IFT172: variants seen among roughly 807,000 people sequenced by gnomAD.
The protein encoded by IFT172 is intraflagellar transport 172.
Under a neutral mutation model 248.9 loss-of-function variants are expected in IFT172, and 164 were observed. The observed-to-expected ratio is 0.66, with a 90% CI of 0.58 to 0.75. The LOEUF is 0.75. Ranked by LOEUF, IFT172 falls within the 30% of genes least tolerant of loss-of-function variation. The probability of loss-of-function intolerance (pLI) is 0.00; values close to 1 mark genes in which losing one functional copy is unlikely to be tolerated. For synonymous variants in IFT172, 729 were observed against 791.6 expected (o/e 0.92, Z 1.33); for missense variants, 1,950 against 2,192.4 (o/e 0.89, Z 2.21).
At chr2:27,471,909 G>A (rs1226331695) in intron 15 of IFT172, 15 of 393,518 alleles carry the variant, frequency 3.8e-5, no homozygotes, top group Admixed American at 8.5e-5. Flanking sequence ...GTGGTGGCAC[G>A]TGCCTGTAGT....
At chr2:27,476,459 T>A (rs770594955) in intron 14 of IFT172, among the ~76,000 whole-genome samples, 182 bp downstream of exon 14, 5 of 152,150 alleles carry the variant, frequency 3.3e-5, no homozygotes, top group Non-Finnish European at 7.4e-5. Context: ...TATCTAGATA[T>A]CCAGGTACAG....
intron 15 of IFT172, 200 bp downstream of exon 15, chr2:27,472,050 A>C (rs546650836): frequency 3.4e-6 from 2 of 584,756 alleles, no homozygotes; most frequent in African/African-American, 3.8e-5. Flanking sequence ...AAAAAAAAAA[A>C]AAAGAGGTAA....
At chr2:27,448,222 C>G (rs1047593241) in intron 40 of IFT172, among the ~76,000 whole-genome samples, 2 of 152,102 alleles carry the variant, frequency 1.3e-5, no homozygotes, top group African/African-American at 4.8e-5. Context: ...GCCTCAGCCT[C>G]CCGAGTAGCT....
chr2:27,472,052 AAG>A, intron 15 of IFT172, 196 bp downstream of exon 15: 1 of 579,718 alleles, frequency 1.7e-6, no homozygotes, highest in Non-Finnish European at 3.1e-6. Flanking sequence ...AAAAAAAAAA[AAG>A]AGGTAATAAA....
At chr2:27,481,394 C>T (rs1238444401) in intron 7 of IFT172, 134 bp from the exon 8 acceptor site, 2 of 659,050 alleles carry the variant, frequency 3.0e-6, no homozygotes, top group African/African-American at 1.8e-5. Context: ...CCTATCCCAA[C>T]ACATCCTAAT....
Position 27,454,738 on chromosome 2 carries a change from G to C in IFT172, c.3372-78C>G, listed in dbSNP as rs570312215. On this transcript the variant is annotated intron_variant, in intron 30 of 47. Coordinates refer to ENST00000260570, the MANE Select transcript of IFT172 (RefSeq NM_015662.3). This position sits in a 1 kb window ranked among gnomAD's most constrained non-coding sequence, Gnocchi z 4.2. Reference sequence around the variant, plus strand: ...AAGGAACAAGACAAAACAGAGAAAGGACAGAGTTGAGGGGAGAAAAAGTGA... The same window carrying C: ...AAGGAACAAGACAAAACAGAGAAAGCACAGAGTTGAGGGGAGAAAAAGTGA... The C allele has an allele frequency of 6.1e-5, 76 of 1,255,404 alleles. 1 individual carries two copies. In the Middle Eastern group the frequency reaches 7.4e-3, roughly 122 times the overall value. The allele number at this position is 1,255,404 out of a possible 1,614,324, so 77.8% of individuals were successfully genotyped here.
chr2:27,477,492 A>G, intron 12 of IFT172, 67 bp downstream of exon 12: 1 of 1,316,718 alleles, frequency 7.6e-7, no homozygotes, highest in African/African-American at 1.4e-5. Flanking sequence ...GCAACTTGCC[A>G]TCTTTATGAC....
Position 27,485,409 on chromosome 2 carries a change from T to G in IFT172, c.134A>C (p.Glu45Ala), listed in dbSNP as rs1221471858. The G allele has an allele frequency of 6.2e-7, 1 of 1,614,128 alleles. No individual in the cohort carries two copies. The highest frequency in any genetic ancestry group is 8.5e-7 in the Non-Finnish European group (1 of 1,180,050). ...GAATTTATCTCTCCGTTCTCCATGT[T>G]CATCATACAGCAAGACCACTCGGTC... ...TVDRVVLLYD[E>A]HGERRDKFST... Residue 45 changes from glutamate to alanine, a missense_variant, in exon 2 of 48, where the codon GAA becomes GCA. Coordinates refer to ENST00000260570, the MANE Select transcript of IFT172 (RefSeq NM_015662.3).
chr2:27,447,594 G>A lies in IFT172; in HGVS notation c.4580C>T (p.Ala1527Val), dbSNP rs2148472883. Residue 1527 changes from alanine to valine, a missense_variant, in exon 42 of 48, where the codon GCC (alanine) becomes GTC (valine). Around this residue, in one of 3 missense-constraint regions of IFT172, gnomAD observed 620 missense variants for 699.0 expected, o/e 0.89. Transcript: ENST00000260570. ...CAGCATCGTCTTGAACTCCTCATGG[G>A]CTGGAGAGTTTGCCTCACTGGACTT... ...LVKSSEANSP[A>V]HEEFKTMLLI... 1.9e-6 allele frequency: 3 copies of A among 1,614,132 alleles called. No homozygotes were observed. The highest frequency in any genetic ancestry group is 2.2e-5 in the South Asian group (2 of 91,084).
chr2:27,469,837 A>G (rs962837563), intron 16 of IFT172, among the ~76,000 whole-genome samples: 5 of 151,834 alleles, frequency 3.3e-5, no homozygotes, highest in Non-Finnish European at 2.9e-5. Flanking sequence ...CTCAAATAAA[A>G]TAAAATAATC....
chr2:27,449,921 C>G, intron 36 of IFT172, 77 bp downstream of exon 36: 1 of 1,438,906 alleles, frequency 6.9e-7, no homozygotes, highest in Non-Finnish European at 9.7e-7. Flanking sequence ...ACCTCACACA[C>G]CTTCCTGGGT....
At position 27,457,931 on chromosome 2, in the gene IFT172, G is replaced by T. The variant is rs1215624237; in HGVS notation, c.3021C>A (p.Tyr1007Ter). Residue 1007 changes from tyrosine (Y) to a stop codon, truncating the protein, a stop_gained, in exon 28 of 48, where the codon TAC (tyrosine) becomes TAA (stop). Coordinates refer to ENST00000260570, the MANE Select transcript of IFT172 (RefSeq NM_015662.3). LOFTEE classifies it high-confidence loss of function. ...VQEPDLAITM[Y>*]KKHKLYDDMI... ...TGTCATCATACAACTTGTGCTTTTT[G>T]TACATGGTGATGGCAAGATCAGGCT... 6.2e-7 allele frequency: 1 copy of T among 1,614,192 alleles called. No homozygotes were observed. The highest frequency in any genetic ancestry group is 8.5e-7 in the Non-Finnish European group (1 of 1,180,024).
At chr2:27,478,463 G>C (rs1380315872) in intron 10 of IFT172, among the ~76,000 whole-genome samples, 1 of 152,132 alleles carries the variant, frequency 6.6e-6, no homozygotes, top group Non-Finnish European at 1.5e-5. Context: ...ATTGATCACA[G>C]TGTATGTATT....
chr2:27,446,117 A>G (rs1454774483), intron 43 of IFT172, 129 bp from the exon 44 acceptor site: 4 of 1,388,652 alleles, frequency 2.9e-6, no homozygotes, highest in Admixed American at 1.7e-5. Flanking sequence ...CCAGGGAGAA[A>G]AATCCAGGAA....
chr2:27,478,191 C>T (rs1393591058), intron 10 of IFT172, 35 bp from the exon 11 acceptor site: 2 of 1,611,626 alleles, frequency 1.2e-6, no homozygotes, highest in Non-Finnish European at 1.7e-6. Context: ...CCTTAGGCTT[C>T]CCCAGCCCAA....
At chr2:27,466,610 G>A (rs1172939581) in intron 16 of IFT172, among the ~76,000 whole-genome samples, 2 of 151,870 alleles carry the variant, frequency 1.3e-5, no homozygotes, top group African/African-American at 4.8e-5. Context: ...AAAGCAACAT[G>A]AGCTCACAAT....
At chr2:27,449,243 G>A in intron 39 of IFT172, 51 bp downstream of exon 39, 8 of 1,602,342 alleles carry the variant, frequency 5.0e-6, no homozygotes, top group Non-Finnish European at 6.8e-6. Flanking sequence ...AGGCAGGTGG[G>A]GAATCAAGGG....
At chr2:27,483,246 G>T in intron 7 of IFT172, 43 bp downstream of exon 7, 2 of 1,130,572 alleles carry the variant, frequency 1.8e-6, no homozygotes, top group South Asian at 1.2e-5. Context: ...CAAACTCCTG[G>T]ACTCAAGCAA....
rs1443634104 is a variant in IFT172 at position 27,485,051 on chromosome 2, T to C, written c.263A>G (p.Asn88Ser). 3.1e-6 allele frequency: 5 copies of C among 1,602,478 alleles called. No homozygotes were observed. Among genetic ancestry groups the C allele is most frequent in the Admixed American group, 3.3e-5 (2 of 59,954 alleles). Residue 88 changes from asparagine to serine, a missense_variant, in exon 3 of 48, where the codon AAC becomes AGC. Physicochemically the swap from Asn to Ser is conservative, Grantham distance 46. This residue lies in a region of IFT172 where 1,166 missense variants were observed against 1,254.1 expected (regional missense o/e 0.93). Coordinates refer to ENST00000260570, the MANE Select transcript of IFT172 (RefSeq NM_015662.3). ...TCCAATCTTGTAGACATAGATGATG[T>C]TGTCAGTCTGTCCTATGGCAATTTT... The part of the protein sequence containing the change: ...STKIAIGQTD[N>S]IIYVYKIGED...
Sources: allele counts gnomAD v4.1 joint callset (sites outside exome capture counted in the v4.1 genomes callset), GRCh38; gene constraint gnomAD v4.1.1; regional missense constraint gnomAD v4.1.1; non-coding constraint Gnocchi (gnomAD v3.1); transcripts MANE v1.5; gene names NCBI Gene and HGNC (gene_info 2026-07-23, HGNC 2026-07-21).